The following RARB variants were observed in gnomAD, a reference collection of about 807,000 sequenced individuals.
The protein encoded by RARB is retinoic acid receptor beta.
RARB carries 17 observed loss-of-function variants against 51.9 expected under a neutral mutation model. That is an observed-to-expected ratio of 0.33 (90% CI 0.22 to 0.49). The LOEUF (loss-of-function observed/expected upper bound fraction) is 0.49. Among genes scored for constraint, RARB ranks in the 20% least tolerant of loss-of-function variants. RARB has a pLI of 0.99. For synonymous variants in RARB, 215 were observed against 195.4 expected (o/e 1.10, Z -0.84); for missense variants, 369 against 550.8 (o/e 0.67, Z 3.30).
chr3:25,495,600 A>G (rs1372769976), intron 2 of RARB, among the ~76,000 whole-genome samples: 3 of 152,170 alleles, frequency 2.0e-5, no homozygotes, highest in Non-Finnish European at 2.9e-5. Context: ...CCACCATGTG[A>G]GTTTTTCTTT....
intron 2 of RARB, among the ~76,000 whole-genome samples, chr3:24,939,582 C>T (rs977585551): frequency 8.5e-5 from 13 of 152,160 alleles, no homozygotes; most frequent in African/African-American, 2.9e-4. Context: ...GAGAGTTTCA[C>T]TAGGGTCAAA....
At chr3:25,453,591 C>G (rs1026632931) in intron 1 of RARB, among the ~76,000 whole-genome samples, 2 of 152,054 alleles carry the variant, frequency 1.3e-5, no homozygotes, top group African/African-American at 4.8e-5. Context: ...TGCTGCTTGT[C>G]CAGGACCACA....
At chr3:25,559,573 C>T (rs1231265577) in intron 3 of RARB, among the ~76,000 whole-genome samples, 1 of 152,204 alleles carries the variant, frequency 6.6e-6, no homozygotes, top group African/African-American at 2.4e-5. Flanking sequence ...ACTCTTGTGT[C>T]TTTAACATGC....
intron 5 of RARB, among the ~76,000 whole-genome samples, chr3:25,275,998 G>T (rs958261145): frequency 6.6e-6 from 1 of 152,094 alleles, no homozygotes; most frequent in Admixed American, 6.6e-5. Context: ...CCAAATACAG[G>T]GTTTACATGA....
chr3:25,054,248 T>C (rs1698394296), intron 2 of RARB, among the ~76,000 whole-genome samples: 1 of 125,374 alleles, frequency 8.0e-6, no homozygotes, highest in South Asian at 2.3e-4. Flanking sequence ...ATTCAGATGT[T>C]TTTTTGACAG....
chr3:25,332,465 G>A (rs1308803522), intron 5 of RARB, among the ~76,000 whole-genome samples: 4 of 152,076 alleles, frequency 2.6e-5, no homozygotes, highest in Non-Finnish European at 5.9e-5. Flanking sequence ...GCCTTTGACA[G>A]AATTCAACAG....
At position 25,209,686 on chromosome 3, in the gene RARB, C is replaced by T. The variant is rs145537121; in HGVS notation, c.178+35111C>T. 1.6e-3 allele frequency among the ~76,000 whole-genome samples: 250 copies of T among 152,300 alleles called. 1 individual carries two copies. The highest frequency in any genetic ancestry group is 3.0e-3 in the Non-Finnish European group (207 of 68,028). ...CAGACCTCAGTTTTATGTCTCTCCTCCATCCCTAGCTCTCCTGCTCCCTGC... is the reference window on the plus strand; with the variant it reads ...CAGACCTCAGTTTTATGTCTCTCCTTCATCCCTAGCTCTCCTGCTCCCTGC... On this transcript the variant is annotated intron_variant, in intron 5 of 11. Coordinates refer to the RARB transcript ENST00000383772.
intron 1 of RARB, among the ~76,000 whole-genome samples, chr3:25,434,046 G>A (rs1181229553): frequency 6.6e-6 from 1 of 152,176 alleles, no homozygotes; most frequent in Non-Finnish European, 1.5e-5. Context: ...AGTAAGATAA[G>A]ACTCTCTGCC....
intron 2 of RARB, among the ~76,000 whole-genome samples, chr3:24,915,351 A>G (rs1022988799): frequency 6.6e-6 from 1 of 152,240 alleles, no homozygotes; most frequent in South Asian, 2.1e-4. Context: ...AACACAAATC[A>G]TATTAAAATT....
chr3:24,950,823 A>G (rs898749684), intron 2 of RARB, among the ~76,000 whole-genome samples: 2 of 152,316 alleles, frequency 1.3e-5, no homozygotes, highest in Admixed American at 1.3e-4. Flanking sequence ...GTAGTGCAGT[A>G]ATTTTTCAAA....
intron 1 of RARB, among the ~76,000 whole-genome samples, chr3:24,841,552 C>T (rs868557198): frequency 1.3e-5 from 2 of 152,144 alleles, no homozygotes; most frequent in African/African-American, 2.4e-5. Context: ...TTTATAGTAA[C>T]TCCTGTATCA....
intron 2 of RARB, among the ~76,000 whole-genome samples, chr3:24,868,684 C>G (rs1023388771): frequency 7.9e-5 from 12 of 152,132 alleles, no homozygotes; most frequent in Admixed American, 4.6e-4. Flanking sequence ...ACAATCTATT[C>G]TCTCTGAAGC....
chr3:25,062,385 C>T (rs534720276), intron 3 of RARB, among the ~76,000 whole-genome samples: 3 of 151,970 alleles, frequency 2.0e-5, no homozygotes, highest in Admixed American at 1.3e-4. Context: ...GGGAACGTAG[C>T]ATGAAATAAC....
intron 2 of RARB, among the ~76,000 whole-genome samples, chr3:25,012,506 T>C (rs1398925221): frequency 6.6e-6 from 1 of 152,108 alleles, no homozygotes; most frequent in Admixed American, 6.6e-5. Flanking sequence ...TGTCAGCTCC[T>C]CCTTCTGGAT....
At chr3:24,890,436 G>C (rs554365520) in intron 2 of RARB, among the ~76,000 whole-genome samples, 2 of 152,110 alleles carry the variant, frequency 1.3e-5, no homozygotes, top group African/African-American at 4.8e-5. Flanking sequence ...CTTATTTCAC[G>C]AGCGGCACCG....
At chr3:25,171,354 T>C (rs1362944399) in intron 4 of RARB, among the ~76,000 whole-genome samples, 5 of 151,266 alleles carry the variant, frequency 3.3e-5, no homozygotes, top group Non-Finnish European at 7.4e-5. Context: ...GGAATAGCCT[T>C]AATCAGTCAC....
intron 4 of RARB, among the ~76,000 whole-genome samples, chr3:25,149,825 G>A (rs891997935): frequency 2.6e-5 from 4 of 152,196 alleles, no homozygotes; most frequent in Non-Finnish European, 5.9e-5. Context: ...CTCCTCACGA[G>A]AGCAGAAGAA....
intron 5 of RARB, among the ~76,000 whole-genome samples, chr3:25,416,236 A>C (rs1316790901): frequency 6.6e-6 from 1 of 152,162 alleles, no homozygotes; most frequent in Non-Finnish European, 1.5e-5. Flanking sequence ...GAAAATAAAA[A>C]CAATTAGTCA....
chr3:25,382,822 C>T (rs563985329), intron 5 of RARB, among the ~76,000 whole-genome samples: 1 of 152,272 alleles, frequency 6.6e-6, no homozygotes, highest in African/African-American at 2.4e-5. Flanking sequence ...CATGCCACGG[C>T]ACTCCAGCCT....
Sources: allele counts gnomAD v4.1 joint callset (sites outside exome capture counted in the v4.1 genomes callset), GRCh38; gene constraint gnomAD v4.1.1; transcripts MANE v1.5; gene names NCBI Gene and HGNC (gene_info 2026-07-23, HGNC 2026-07-21).